The following SGSM3 variants were observed in gnomAD, a reference collection of about 807,000 sequenced individuals.
SGSM3 encodes small G protein signaling modulator 3.
Under a neutral mutation model 100.5 loss-of-function variants are expected in SGSM3, and 96 were observed. That is an observed-to-expected ratio of 0.96 (90% confidence interval 0.81 to 1.13). The LOEUF is 1.13. Among genes scored for constraint, SGSM3 ranks in the 50% most tolerant of loss-of-function variants. The pLI is 0.00. For missense variants in SGSM3, 1,001 were observed against 1,015.8 expected, an observed-to-expected ratio of 0.99 and a Z score of 0.20; for synonymous variants, 483 against 422.8, an observed-to-expected ratio of 1.14 and a Z score of -1.75.
At chr22:40,402,724 AGCAAACCTCT>A (rs2050923982) in intron 4 of SGSM3, among the ~76,000 whole-genome samples, 1 of 152,232 alleles carries the variant, frequency 6.6e-6, no homozygotes, top group Non-Finnish European at 1.5e-5. Flanking sequence ...AGGCAACAAG[AGCAAACCTCT>A]GTCTCAAAAA....
At position 40,405,275 on chromosome 22, in the gene SGSM3, C is replaced by G. The variant is rs780655754; in HGVS notation, c.609C>G (p.Gly203=). Residue 203 remains glycine (G), a synonymous_variant, in exon 7 of 22, where the codon GGC becomes GGG. Transcript: ENST00000248929. Reference sequence around the variant, plus strand: ...ACCCAGAGATCGGCTACTGCCAGGGCACCGGCATGGTGAGCACAGCCCCAG... The same window carrying G: ...ACCCAGAGATCGGCTACTGCCAGGGGACCGGCATGGTGAGCACAGCCCCAG... ...WLYPEIGYCQ[G]TGMVAACLLL... The G allele has an allele frequency of 1.3e-6, 2 of 1,510,394 alleles. No individual in the cohort carries two copies. Among genetic ancestry groups the G allele is most frequent in the Non-Finnish European group, 1.8e-6 (2 of 1,128,038 alleles). The allele number at this position is 1,510,394 out of a possible 1,614,324, so 93.6% of individuals were successfully genotyped here.
intron 19 of SGSM3, 66 bp downstream of exon 19, chr22:40,409,084 G>C: frequency 1.3e-6 from 2 of 1,550,888 alleles, no homozygotes; most frequent in Non-Finnish European, 8.7e-7. Context: ...CATCAGGGGG[G>C]GTCCTTACAG....
rs1052661082 is a variant in SGSM3 at position 40,405,544 on chromosome 22, G to GC, written c.619-99dup. 9 of 1,079,882 alleles carry GC rather than the reference G, an allele frequency of 8.3e-6. No homozygotes were observed. In the South Asian group the frequency reaches 1.1e-4, roughly 13 times the overall value. 66.9% of individuals were successfully genotyped at this position (1,079,882 alleles called of 1,614,324 possible). A position where few individuals can be genotyped will look rare whatever the true frequency, so the allele number is the denominator to read the frequency against. ...GGAAGGCCTGGGTTCCAGCATGCGTGCCCCCCAAGAGGCTTTTGCTAATTG... is the reference window on the plus strand; with the variant it reads ...GGAAGGCCTGGGTTCCAGCATGCGTGCCCCCCCAAGAGGCTTTTGCTAATTG... On this transcript the variant is annotated intron_variant, in intron 7 of 21. Transcript: ENST00000248929.
chr22:40,407,771 G>GT lies in SGSM3; in HGVS notation c.1525-13dup. 6.2e-7 allele frequency: 1 copy of GT among 1,614,084 alleles called. No individual in the cohort carries two copies. Among genetic ancestry groups the GT allele is most frequent in the Non-Finnish European group, 8.5e-7 (1 of 1,180,012 alleles). ...AGGGCACCCAGCTTTGGTTCCTGCT[G>GT]TTTTTCCTCCTGTGCAGATCGTGTC... is the stretch of plus-strand genomic sequence containing the variant. On this transcript the variant is annotated splice_polypyrimidine_tract_variant and intron_variant, in intron 13 of 21. Transcript: ENST00000248929. This position sits in a 1 kb window ranked among gnomAD's most constrained non-coding sequence, Gnocchi z 4.7.
intron 1 of SGSM3, among the ~76,000 whole-genome samples, chr22:40,375,580 CA>C (rs5845459): frequency 0.035 from 3,541 of 101,172 alleles, 116 homozygotes; most frequent in African/African-American, 0.11. Flanking sequence ...AACTCTGTCT[CA>C]AAAAAAAAAA....
At chr22:40,375,806 G>T (rs2084452424) in intron 1 of SGSM3, among the ~76,000 whole-genome samples, 1 of 151,992 alleles carries the variant, frequency 6.6e-6, no homozygotes, top group Admixed American at 6.6e-5. Context: ...GGGAGGCTGA[G>T]GTGGAAGGAT....
At chr22:40,385,343 C>T (rs1415777080) in intron 1 of SGSM3, among the ~76,000 whole-genome samples, 1 of 152,112 alleles carries the variant, frequency 6.6e-6, no homozygotes, top group Non-Finnish European at 1.5e-5. Flanking sequence ...TGAGTGGGTA[C>T]AGGGATAGTT....
chr22:40,408,549 C>A (rs1372316531), intron 16 of SGSM3, 78 bp from the exon 17 acceptor site: 7 of 1,589,034 alleles, frequency 4.4e-6, no homozygotes, highest in Non-Finnish European at 6.0e-6. Context: ...AGCGTGGTGA[C>A]AGGTGCCCAG....
At chr22:40,389,916 G>GAA (rs34606137) in intron 1 of SGSM3, among the ~76,000 whole-genome samples, 36 of 104,962 alleles carry the variant, frequency 3.4e-4, no homozygotes, top group African/African-American at 1.1e-3. Flanking sequence ...AAAAAAAAAA[G>GAA]AAAAAAAAAA....
intron 7 of SGSM3, 77 bp from the exon 8 acceptor site, chr22:40,405,570 GTC>G: frequency 1.5e-6 from 2 of 1,329,480 alleles, no homozygotes; most frequent in South Asian, 2.9e-5. Context: ...TTGCTAATTG[GTC>G]TCCCTAGGGT....
rs1416477962 is a variant in SGSM3, at chr22:40,410,181, T to C, written c.*422T>C. ...GTCCAAGGTTCTGCCCTTCCTTGAGTGGTCTAGAAGGCACTGCGTGGCCCC... is the reference window on the plus strand; with the variant it reads ...GTCCAAGGTTCTGCCCTTCCTTGAGCGGTCTAGAAGGCACTGCGTGGCCCC... On this transcript the variant is annotated 3_prime_UTR_variant, in exon 22 of 22. Coordinates refer to ENST00000248929, the MANE Select transcript of SGSM3 (RefSeq NM_015705.6). 1 of 1,082,416 alleles carries C rather than the reference T, an allele frequency of 9.2e-7. No individual in the cohort carries two copies. Among genetic ancestry groups the C allele is most frequent in the Non-Finnish European group, 1.1e-6 (1 of 892,654 alleles). 67.1% of individuals were successfully genotyped at this position (1,082,416 alleles called of 1,614,324 possible).
chr22:40,404,225 C>T lies in SGSM3; in HGVS notation c.158-22C>T, dbSNP rs745748666. ...CGTAGTAGAGAATGCTTTTTCTTTC[C>T]TCCTTGGCTCTCTCTTGGCAGAAGG... On this transcript the variant is annotated intron_variant, in intron 4 of 21. Transcript: ENST00000248929. 6 of 1,501,008 alleles carry T rather than the reference C, an allele frequency of 4.0e-6. No individual in the cohort carries two copies. The Admixed American group carries it at 1.4e-4, about 35-fold the overall frequency. The allele number at this position is 1,501,008 out of a possible 1,614,324, so 93.0% of individuals were successfully genotyped here.
intron 1 of SGSM3, among the ~76,000 whole-genome samples, chr22:40,371,870 T>A (rs2146706082): frequency 6.6e-6 from 1 of 151,172 alleles, no homozygotes; most frequent in South Asian, 2.1e-4. Context: ...CTAATTTGTG[T>A]ATTTTTAATA....
At chr22:40,386,316 G>A (rs1337997463) in intron 1 of SGSM3, among the ~76,000 whole-genome samples, 1 of 152,136 alleles carries the variant, frequency 6.6e-6, no homozygotes, top group Non-Finnish European at 1.5e-5. Flanking sequence ...ATTATTAAGT[G>A]TGAAATAATA....
At chr22:40,409,079 G>A in intron 19 of SGSM3, 61 bp downstream of exon 19, 2 of 1,549,330 alleles carry the variant, frequency 1.3e-6, no homozygotes, top group South Asian at 2.4e-5. Flanking sequence ...CCCAGCATCA[G>A]GGGGGGTCCT....
intron 1 of SGSM3, among the ~76,000 whole-genome samples, chr22:40,374,213 AAG>A (rs1178388887): frequency 2.0e-5 from 3 of 152,164 alleles, no homozygotes; most frequent in African/African-American, 7.2e-5. Flanking sequence ...CGGCCTCCCA[AAG>A]TGCTGGGATT....
At chr22:40,375,070 G>A (rs1201248671) in intron 1 of SGSM3, among the ~76,000 whole-genome samples, 4 of 152,156 alleles carry the variant, frequency 2.6e-5, no homozygotes, top group African/African-American at 9.7e-5. Flanking sequence ...CATGAGGAGA[G>A]ATACATTCAC....
intron 2 of SGSM3, 45 bp downstream of exon 2, chr22:40,400,858 C>A (rs771607549): frequency 6.7e-7 from 1 of 1,496,916 alleles, no homozygotes; most frequent in Non-Finnish European, 8.9e-7. Context: ...GAAGCTCTCA[C>A]AGAGGAGCCA....
At chr22:40,409,139 C>CAAAG in intron 19 of SGSM3, 111 bp from the exon 20 acceptor site, 1 of 1,555,530 alleles carries the variant, frequency 6.4e-7, no homozygotes, top group Non-Finnish European at 8.7e-7. Flanking sequence ...GGTCCTTCCC[C>CAAAG]AAAGAGGGTG....
Sources: allele counts gnomAD v4.1 joint callset (sites outside exome capture counted in the v4.1 genomes callset), GRCh38; gene constraint gnomAD v4.1.1; non-coding constraint Gnocchi (gnomAD v3.1); transcripts MANE v1.5; gene names NCBI Gene and HGNC (gene_info 2026-07-23, HGNC 2026-07-21).